The following KIAA0753 variants were observed in gnomAD, a reference collection of about 807,000 sequenced individuals.
KIAA0753 encodes KIAA0753.
KIAA0753 carries 114 observed loss-of-function variants against 116.9 expected under a neutral mutation model. The ratio of observed to expected loss-of-function variants is 0.98; its 90% CI spans 0.84 to 1.14. KIAA0753 has a LOEUF of 1.14. KIAA0753 is among the 50% of genes most tolerant of loss of function. The pLI is 0.00. For synonymous variants in KIAA0753, 405 were observed against 413.1 expected (o/e 0.98, Z 0.24); for missense variants, 1,156 against 1,172.4 (o/e 0.99, Z 0.20).
rs1972236611 is a variant in KIAA0753 at position 6,635,122 on chromosome 17, A to C, written c.-19T>G. The C allele has an allele frequency of 6.5e-7, 1 of 1,541,168 alleles. No individual in the cohort carries two copies. Among genetic ancestry groups the C allele is most frequent in the Non-Finnish European group, 9.0e-7 (1 of 1,113,792 alleles). ...GTCCCATAATGTCAGGTAGTACAGA[A>C]CAATAGTGACAGCCTTGTCATCCGG... On this transcript the variant is annotated 5_prime_UTR_variant, in exon 2 of 19. Transcript: ENST00000361413.
intron 2 of KIAA0753, among the ~76,000 whole-genome samples, chr17:6,629,747 T>C (rs1366738273): frequency 6.6e-6 from 1 of 152,172 alleles, no homozygotes; most frequent in Non-Finnish European, 1.5e-5. Flanking sequence ...GTTTATATAA[T>C]TACAGGCATC....
rs548410623 is a variant in KIAA0753, at chr17:6,613,485, G to A, written c.1316-1337C>T. 2.0e-5 allele frequency among the ~76,000 whole-genome samples: 3 copies of A among 152,174 alleles called. No individual in the cohort carries two copies. In the South Asian group the frequency reaches 6.2e-4, roughly 32 times the overall value. ...AATTTTGAAGAACAACCAACAAAGT[G>A]GGGAGTGGATGGAGGCAGGAGTCAA... On this transcript the variant is annotated intron_variant, in intron 7 of 18. Coordinates refer to ENST00000361413, the MANE Select transcript of KIAA0753 (RefSeq NM_014804.3).
rs1308067349 is a variant in KIAA0753 at position 6,579,066 on chromosome 17, A to G, written c.*681T>C. On this transcript the variant is annotated 3_prime_UTR_variant, in exon 19 of 19. Transcript: ENST00000361413. ...GAATCCAGAGAAAGTTTTTTATACC[A>G]GATTGTGTCAACACACAGCAATAAA... 1.3e-5 allele frequency: 2 copies of G among 152,260 alleles called. No homozygotes were observed. The highest frequency in any genetic ancestry group is 2.9e-5 in the Non-Finnish European group (2 of 68,056). The allele number at this position is 152,260 out of a possible 1,614,324, so 9.4% of individuals were successfully genotyped here.
At position 6,628,112 on chromosome 17, in the gene KIAA0753, C is replaced by A. The variant is rs199954757; in HGVS notation, c.718+5G>T. ...GGTCGAAGTAAAGAATCTAATTTTTCTCACCTTTTTTAGTTACCTCTTCAA... is the reference window on the plus strand; with the variant it reads ...GGTCGAAGTAAAGAATCTAATTTTTATCACCTTTTTTAGTTACCTCTTCAA... On this transcript the variant is annotated splice_donor_5th_base_variant and intron_variant, in intron 3 of 18. Transcript: ENST00000361413. The A allele has an allele frequency of 6.2e-7, 1 of 1,601,616 alleles. No homozygotes were observed. Among genetic ancestry groups the A allele is most frequent in the East Asian group, 2.2e-5 (1 of 44,772 alleles).
chr17:6,608,738 C>T (rs376904162), intron 9 of KIAA0753, among the ~76,000 whole-genome samples: 22 of 152,294 alleles, frequency 1.4e-4, no homozygotes, highest in East Asian at 7.7e-4. Flanking sequence ...TGAGTGTCAA[C>T]AAAACTCTGT....
intron 1 of KIAA0753, 105 bp from the exon 2 acceptor site, chr17:6,635,276 T>C (rs1364446133): frequency 6.1e-6 from 3 of 493,078 alleles, no homozygotes; most frequent in South Asian, 3.9e-5. Context: ...AAGTAGCCAA[T>C]AGTAACCTCA....
Position 6,591,676 on chromosome 17 carries a change from A to G in KIAA0753, c.2441-1046T>C, listed in dbSNP as rs538394981. Reference sequence around the variant, plus strand: ...CTAATAATTTAAATCATCCTTGAAAAAAGAGAACACTAAGTCCTCTGTAAG... The same window carrying G: ...CTAATAATTTAAATCATCCTTGAAAGAAGAGAACACTAAGTCCTCTGTAAG... On this transcript the variant is annotated intron_variant, in intron 16 of 18. Coordinates refer to ENST00000361413, the MANE Select transcript of KIAA0753 (RefSeq NM_014804.3). Among the ~76,000 whole-genome samples, 8 of 152,366 alleles carry G rather than the reference A, an allele frequency of 5.3e-5. No homozygotes were observed. The South Asian group carries it at 1.7e-3, about 32-fold the overall frequency.
At chr17:6,596,077 G>T in intron 15 of KIAA0753, 81 bp downstream of exon 15, 1 of 1,334,462 alleles carries the variant, frequency 7.5e-7, no homozygotes, top group Non-Finnish European at 1.0e-6. Flanking sequence ...AACAGATGAG[G>T]CTGCAGAGGC....
chr17:6,590,512 G>T lies in KIAA0753; in HGVS notation c.2559C>A (p.Gly853=). The change falls in exon 17 of 19, where the codon GGC becomes GGA. Residue 853 remains glycine (G), a splice_region_variant and synonymous_variant. Coordinates refer to ENST00000361413, the MANE Select transcript of KIAA0753 (RefSeq NM_014804.3). ...VNIMLERPCN[G]NSLDESVGTE... The stretch of plus-strand genomic sequence containing the variant: ...CAGAAAGTGTCTTTGCCACTTACTT[G>T]CCATTACAGGGCCTTTCTAACATGA... The T allele has an allele frequency of 6.2e-7, 1 of 1,613,904 alleles. No individual in the cohort carries two copies. Among genetic ancestry groups the T allele is most frequent in the Admixed American group, 1.7e-5 (1 of 60,018 alleles).
intron 3 of KIAA0753, among the ~76,000 whole-genome samples, chr17:6,625,682 A>T (rs1329232540): frequency 6.4e-5 from 5 of 78,708 alleles, no homozygotes; most frequent in East Asian, 4.4e-4. Flanking sequence ...AGAAGAATTA[A>T]AAAAAAGAGA....
At chr17:6,633,005 G>A (rs1331698822) in intron 2 of KIAA0753, among the ~76,000 whole-genome samples, 12 of 152,086 alleles carry the variant, frequency 7.9e-5, no homozygotes, top group Non-Finnish European at 1.5e-4. Flanking sequence ...CAAAATCTCA[G>A]TAAGGTCTGC....
intron 16 of KIAA0753, among the ~76,000 whole-genome samples, chr17:6,593,055 T>C (rs1234681893): frequency 6.6e-6 from 1 of 152,142 alleles, no homozygotes; most frequent in Admixed American, 6.5e-5. Context: ...AATTTAAGTA[T>C]GTAAATTATC....
chr17:6,624,765 A>G lies in KIAA0753; in HGVS notation c.815T>C (p.Leu272Pro). The change falls in exon 4 of 19, where the codon CTC becomes CCC. Residue 272 changes from leucine to proline, a missense_variant. Physicochemically the swap from Leu to Pro is moderately conservative, Grantham distance 98. Transcript: ENST00000361413. The part of the protein sequence containing the change: ...AARSARMLYV[L>P]QQQVKEIQEE... ...CTGAACTTTTCACACCTGCTGCTGGAGGACGTAGAGCATTCGGGCAGAGCG... is the reference window on the plus strand; with the variant it reads ...CTGAACTTTTCACACCTGCTGCTGGGGGACGTAGAGCATTCGGGCAGAGCG... 1.3e-6 allele frequency: 2 copies of G among 1,557,932 alleles called. No individual in the cohort carries two copies. Among genetic ancestry groups the G allele is most frequent in the Non-Finnish European group, 1.7e-6 (2 of 1,149,266 alleles).
In KIAA0753 at chr17:6,590,150, C is replaced by T. The variant is rs765202849; in HGVS notation, c.2562-147G>A. 75 of 688,290 alleles carry T rather than the reference C, an allele frequency of 1.1e-4. 1 individual carries two copies. In the Middle Eastern group the frequency reaches 2.9e-3, roughly 26 times the overall value. 42.6% of individuals were successfully genotyped at this position (688,290 alleles called of 1,614,324 possible). A position where few individuals can be genotyped will look rare whatever the true frequency, so the allele number is the denominator to read the frequency against. ...CAAAACTGAACAACCTAACACCATG[C>T]GTTGCTTCCCCTTTTCACGGAACCA... On this transcript the variant is annotated intron_variant, in intron 17 of 18. Transcript: ENST00000361413.
Position 6,610,049 on chromosome 17 carries a change from G to C in KIAA0753, c.1657C>G (p.Arg553Gly), listed in dbSNP as rs370770168. Residue 553 changes from arginine to glycine, a missense_variant, in exon 9 of 19, where the codon CGC becomes GGC. Coordinates refer to ENST00000361413, the MANE Select transcript of KIAA0753 (RefSeq NM_014804.3). ...LKMNRQPVKD[R>G]KAPWIPPNPT... Reference sequence around the variant, plus strand: ...TTTGGGGGTATCCATGGTGCCTTGCGGTCTTTCACAGGCTGCCGGTTCATT... The same window carrying C: ...TTTGGGGGTATCCATGGTGCCTTGCCGTCTTTCACAGGCTGCCGGTTCATT... 3 of 1,613,960 alleles carry C rather than the reference G, an allele frequency of 1.9e-6. No homozygotes were observed. In the African/African-American group the frequency reaches 4.0e-5, roughly 22 times the overall value.
rs187235992 is a variant in KIAA0753, at chr17:6,612,115, G to A, written c.1349C>T (p.Thr450Ile). The A allele has an allele frequency of 1.5e-5, 24 of 1,614,084 alleles. No individual in the cohort carries two copies. In the East Asian group the frequency reaches 5.1e-4, roughly 34 times the overall value. ...KYQPDTELPE[T>I]QRLQSELDVL... ...ATCAAGCTCACTCTGCAACCTCTGG[G>A]TCTCCGGAAGCTCCGTATCGGGCTG... The change falls in exon 8 of 19, where the codon ACC becomes ATC. Residue 450 changes from threonine to isoleucine, a missense_variant. Coordinates refer to ENST00000361413, the MANE Select transcript of KIAA0753 (RefSeq NM_014804.3).
intron 18 of KIAA0753, among the ~76,000 whole-genome samples, chr17:6,585,254 T>C (rs1363808509): frequency 6.6e-6 from 1 of 152,226 alleles, no homozygotes; most frequent in Non-Finnish European, 1.5e-5. Flanking sequence ...GTGTACAGTT[T>C]TTACCCTCTG....
chr17:6,638,332 G>C (rs1972462883), intron 1 of KIAA0753: 1 of 152,684 alleles, frequency 6.5e-6, no homozygotes, highest in African/African-American at 2.4e-5. Flanking sequence ...AATGTCTCTA[G>C]AGCTGCCTTC....
intron 18 of KIAA0753, among the ~76,000 whole-genome samples, chr17:6,587,393 T>C (rs997793426): frequency 6.6e-6 from 1 of 152,224 alleles, no homozygotes; most frequent in Non-Finnish European, 1.5e-5. Context: ...TAACCTGTTA[T>C]TCTTTATAGG....
Sources: allele counts gnomAD v4.1 joint callset (sites outside exome capture counted in the v4.1 genomes callset), GRCh38; gene constraint gnomAD v4.1.1; transcripts MANE v1.5; gene names NCBI Gene and HGNC (gene_info 2026-07-23, HGNC 2026-07-21).